XKR4: variants seen among roughly 807,000 people sequenced by gnomAD.
XKR4 encodes the protein XK-related protein 4.
A neutral mutation model predicts 53.9 loss-of-function variants in XKR4; 12 were observed. The observed-to-expected ratio is 0.22, with a 90% confidence interval of 0.14 to 0.36. The LOEUF (loss-of-function observed/expected upper bound fraction) is 0.36, where lower values mean the gene tolerates loss of function less well. XKR4 is among the 10% of genes least tolerant of loss of function. The pLI, the probability that XKR4 is intolerant of heterozygous loss-of-function variation, is 1.00. For synonymous variants in XKR4, 354 were observed against 362.4 expected (o/e 0.98, Z 0.26); for missense variants, 799 against 859.5 (o/e 0.93, Z 0.88).
intron 1 of XKR4, among the ~76,000 whole-genome samples, chr8:55,125,481 G>A (rs932845166): frequency 2.6e-5 from 4 of 152,148 alleles, no homozygotes; most frequent in East Asian, 1.9e-4. Context: ...TGATCCGCCC[G>A]CCTTGGTCTC....
chr8:55,398,063 C>A (rs556098213), intron 2 of XKR4, among the ~76,000 whole-genome samples: 41 of 152,298 alleles, frequency 2.7e-4, no homozygotes, highest in African/African-American at 9.9e-4. Flanking sequence ...ATAACAGATA[C>A]AAAATTTGTT....
chr8:55,224,202 T>C (rs549898295), intron 1 of XKR4, among the ~76,000 whole-genome samples: 1 of 152,332 alleles, frequency 6.6e-6, no homozygotes, highest in South Asian at 2.1e-4. Flanking sequence ...TTCTTTTTAT[T>C]TCACACTGGT....
chr8:55,165,804 C>CAAAAAA (rs536690179), intron 1 of XKR4, among the ~76,000 whole-genome samples: 1 of 60,472 alleles, frequency 1.7e-5, no homozygotes. Flanking sequence ...GACTCCGTCT[C>CAAAAAA]AAAAAAAAAA....
chr8:55,209,507 T>C (rs1175070602), intron 1 of XKR4, among the ~76,000 whole-genome samples: 1 of 152,020 alleles, frequency 6.6e-6, no homozygotes, highest in Admixed American at 6.6e-5. Flanking sequence ...TTTTTTAAGG[T>C]AGAGAGTATT....
chr8:55,262,122 T>A lies in XKR4; in HGVS notation c.807-95556T>A, dbSNP rs1326522873. On this transcript the variant is annotated intron_variant, in intron 1 of 2. Transcript: ENST00000327381. ...TTTGCATAATAATGGAGAATATAGA[T>A]GTAAATATTTTATGGACATTAACAA... is the stretch of plus-strand genomic sequence containing the variant. Among the ~76,000 whole-genome samples the A allele has an allele frequency of 2.6e-5, 4 of 152,180 alleles. No individual in the cohort carries two copies. In the East Asian group the frequency reaches 5.8e-4, roughly 22 times the overall value.
chr8:55,326,351 A>C (rs1376702421), intron 1 of XKR4, among the ~76,000 whole-genome samples: 1 of 151,968 alleles, frequency 6.6e-6, no homozygotes, highest in African/African-American at 2.4e-5. Context: ...TTGTTGTTTT[A>C]TCTTGCAGAT....
intron 1 of XKR4, among the ~76,000 whole-genome samples, chr8:55,158,697 C>T (rs990000122): frequency 5.3e-5 from 8 of 152,242 alleles, no homozygotes; most frequent in African/African-American, 1.9e-4. Context: ...GAAGGGGTTC[C>T]GTTTCAATCT....
At chr8:55,490,502 T>C (rs570375873) in intron 2 of XKR4, among the ~76,000 whole-genome samples, 4 of 152,146 alleles carry the variant, frequency 2.6e-5, no homozygotes, top group Non-Finnish European at 5.9e-5. Context: ...TACCCCGAAA[T>C]TCAGCATCAC....
At chr8:55,295,773 C>T (rs1819093119) in intron 1 of XKR4, among the ~76,000 whole-genome samples, 1 of 152,104 alleles carries the variant, frequency 6.6e-6, no homozygotes, top group Non-Finnish European at 1.5e-5. Context: ...CTCAATAGAG[C>T]ATAAATACTA....
At chr8:55,308,896 A>G (rs1819349373) in intron 1 of XKR4, among the ~76,000 whole-genome samples, 1 of 152,214 alleles carries the variant, frequency 6.6e-6, no homozygotes, top group African/African-American at 2.4e-5. Flanking sequence ...TGTCCTGGAA[A>G]TGGAGAGATT....
In XKR4 at chr8:55,526,300, G is replaced by C. The variant is rs1806882017; in HGVS notation, c.*2073G>C. On this transcript the variant is annotated 3_prime_UTR_variant, in exon 3 of 3. Transcript: ENST00000327381. ...TGACATCCACAGGAAGTAACAGAGG[G>C]CTCAACCTAGGACTTCTTTTGGTAC... The C allele has an allele frequency of 6.6e-6, 1 of 152,164 alleles. No individual in the cohort carries two copies. Among genetic ancestry groups the C allele is most frequent in the Non-Finnish European group, 1.5e-5 (1 of 68,024 alleles). 9.4% of individuals were successfully genotyped at this position (152,164 alleles called of 1,614,324 possible). A position where few individuals can be genotyped will look rare whatever the true frequency, so the allele number is the denominator to read the frequency against.
intron 1 of XKR4, among the ~76,000 whole-genome samples, chr8:55,173,832 C>G (rs1222089644): frequency 1.3e-5 from 2 of 152,150 alleles, no homozygotes; most frequent in Non-Finnish European, 2.9e-5. Context: ...GAAGGTTATG[C>G]CTCACTGTAT....
At chr8:55,310,559 G>C (rs1193425902) in intron 1 of XKR4, among the ~76,000 whole-genome samples, 1 of 152,104 alleles carries the variant, frequency 6.6e-6, no homozygotes, top group Non-Finnish European at 1.5e-5. Flanking sequence ...CAATATAATG[G>C]AATAAATGGC....
chr8:55,395,412 G>A (rs1309848678), intron 2 of XKR4, among the ~76,000 whole-genome samples: 1 of 152,022 alleles, frequency 6.6e-6, no homozygotes, highest in Non-Finnish European at 1.5e-5. Flanking sequence ...GTAGAAAAGT[G>A]AGGAATTGAT....
intron 2 of XKR4, among the ~76,000 whole-genome samples, chr8:55,496,313 C>G (rs1277664735): frequency 6.6e-6 from 1 of 152,156 alleles, no homozygotes; most frequent in East Asian, 1.9e-4. Flanking sequence ...ATTCCTGGAC[C>G]AGGGTCTGAT....
intron 2 of XKR4, among the ~76,000 whole-genome samples, chr8:55,405,694 C>T (rs1326529398): frequency 6.6e-6 from 1 of 152,208 alleles, no homozygotes. Context: ...CTTCAACTCC[C>T]TTTGATAGTC....
At chr8:55,504,189 T>G (rs914895065) in intron 2 of XKR4, among the ~76,000 whole-genome samples, 2 of 89,274 alleles carry the variant, frequency 2.2e-5, no homozygotes, top group African/African-American at 7.3e-5. Flanking sequence ...TGTTGTTGTT[T>G]TTGTTTTGTT....
At chr8:55,465,525 TA>T (rs1412975432) in intron 2 of XKR4, among the ~76,000 whole-genome samples, 1 of 151,680 alleles carries the variant, frequency 6.6e-6, no homozygotes, top group Non-Finnish European at 1.5e-5. Flanking sequence ...CCTAAAACCA[TA>T]AAAACCCTAG....
chr8:55,518,206 A>T (rs550600501), intron 2 of XKR4, among the ~76,000 whole-genome samples: 88 of 152,326 alleles, frequency 5.8e-4, no homozygotes, highest in Non-Finnish European at 8.4e-4. Context: ...GACCACAAAC[A>T]ACACAACAGG....
Sources: gnomAD v4.1 joint callset for allele counts (sites outside exome capture counted in the v4.1 genomes callset) on GRCh38, gnomAD v4.1.1 for gene constraint, MANE v1.5 for transcripts, NCBI Gene and HGNC (gene_info 2026-07-23, HGNC 2026-07-21) for gene names.